Variants in NFRKB observed in about 807,000 individuals in gnomAD.
NFRKB encodes nuclear factor related to kappa-B-binding protein.
A neutral mutation model predicts 135.7 loss-of-function variants in NFRKB; 62 were observed. The observed-to-expected ratio is 0.46, with a 90% CI of 0.37 to 0.56. The LOEUF (loss-of-function observed/expected upper bound fraction) is 0.56. NFRKB is among the 20% of genes least tolerant of loss of function. The pLI is 0.00. For synonymous variants in NFRKB, 678 were observed against 635.6 expected (o/e 1.07, Z -1.00); for missense variants, 1,545 against 1,662.0 (o/e 0.93, Z 1.22).
At chr11:129,876,242 C>T (rs1948761232) in intron 17 of NFRKB, among the ~76,000 whole-genome samples, 1 of 152,190 alleles carries the variant, frequency 6.6e-6, no homozygotes, top group Admixed American at 6.5e-5. Context: ...CATATAACAT[C>T]ATAGTAACAA....
chr11:129,866,010 G>A (rs766127804), intron 24 of NFRKB, 27 bp from the exon 25 acceptor site: 25 of 1,567,510 alleles, frequency 1.6e-5, no homozygotes, highest in Non-Finnish European at 2.1e-5. Context: ...GTCAGGTTTT[G>A]TAAGACAGGA....
chr11:129,882,582 T>C lies in NFRKB; in HGVS notation c.951A>G (p.Glu317=). The C allele has an allele frequency of 6.2e-7, 1 of 1,614,116 alleles. No individual in the cohort carries two copies. The highest frequency in any genetic ancestry group is 8.5e-7 in the Non-Finnish European group (1 of 1,180,024). Residue 317 remains glutamate, a synonymous_variant, in exon 10 of 27, where the codon GAA becomes GAG. Coordinates refer to ENST00000682444, the MANE Select transcript of NFRKB (RefSeq NM_001143835.2). ...TCGTTTTTATTTTCTTCTTCTTCTT[T>C]TCCTCTTTTTCCTTAACCTTTTTTT... ...VLKKKVKEKE[E]KKKKKIKTIK...
Position 129,878,299 on chromosome 11 carries a change from T to C in NFRKB, c.1511+10A>G. The C allele has an allele frequency of 4.3e-6, 7 of 1,614,042 alleles. No homozygotes were observed. The highest frequency in any genetic ancestry group is 5.9e-6 in the Non-Finnish European group (7 of 1,179,954). ...CAGGACACCACCCACCACTACAGTA[T>C]TGTACTCACACCCGAGGGACAGGTG... On this transcript the variant is annotated intron_variant, in intron 15 of 26. Transcript: ENST00000682444.
chr11:129,880,479 T>C (rs1948977255), intron 13 of NFRKB, among the ~76,000 whole-genome samples: 1 of 152,116 alleles, frequency 6.6e-6, no homozygotes, highest in Non-Finnish European at 1.5e-5. Context: ...ATCTTCCCCA[T>C]GGAAAGGTTC....
At chr11:129,895,344 C>A (rs867609564) in intron 1 of NFRKB, among the ~76,000 whole-genome samples, 152 bp downstream of exon 1, 2 of 151,924 alleles carry the variant, frequency 1.3e-5, no homozygotes, top group Non-Finnish European at 2.9e-5. Flanking sequence ...TAACCCTAAC[C>A]CCCAGCCTCA....
Position 129,885,548 on chromosome 11 carries a change from G to GA in NFRKB, c.526dup (p.Ser176PhefsTer7). On this transcript the variant is annotated frameshift_variant, in exon 6 of 27. Coordinates refer to ENST00000682444, the MANE Select transcript of NFRKB (RefSeq NM_001143835.2). LOFTEE classifies it high-confidence loss of function. ...CCGCTCCTCAGGTGTGCGGGATGGT[G>GA]AAGGGCGTTTCTGCCGGAAGGGAAG... 1 of 1,614,034 alleles carries GA rather than the reference G, an allele frequency of 6.2e-7. No individual in the cohort carries two copies. The highest frequency in any genetic ancestry group is 8.5e-7 in the Non-Finnish European group (1 of 1,179,876).
chr11:129,873,273 T>C (rs1013523994), intron 22 of NFRKB, among the ~76,000 whole-genome samples, 177 bp from the exon 23 acceptor site: 2 of 152,228 alleles, frequency 1.3e-5, no homozygotes, highest in Non-Finnish European at 2.9e-5. Flanking sequence ...TTTGTGTATA[T>C]CTTAATTTTC....
intron 2 of NFRKB, chr11:129,893,132 T>G: frequency 7.7e-7 from 1 of 1,299,230 alleles, no homozygotes; most frequent in Non-Finnish European, 1.0e-6. Context: ...TGCCTTCATT[T>G]TACAGATGAG....
chr11:129,872,758 A>T (rs1335208881), intron 23 of NFRKB, 126 bp downstream of exon 23: 4 of 954,670 alleles, frequency 4.2e-6, no homozygotes, highest in African/African-American at 3.3e-5. Context: ...AAGTATCTAT[A>T]AGCTGAGAGT....
In NFRKB at chr11:129,879,486, CA is replaced by C. The variant is rs368972250; in HGVS notation, c.1385-944del. On this transcript the variant is annotated intron_variant, in intron 13 of 26. Coordinates refer to ENST00000682444, the MANE Select transcript of NFRKB (RefSeq NM_001143835.2). ...CGCCTCCACCGTTCCACTAGAGAATCACGCTCACTGAAAAATTCACAACTTC... is the reference window on the plus strand; with the variant it reads ...CGCCTCCACCGTTCCACTAGAGAATCCGCTCACTGAAAAATTCACAACTTC... Among the ~76,000 whole-genome samples the C allele has an allele frequency of 1.1e-4, 16 of 152,310 alleles. No individual in the cohort carries two copies. In the South Asian group the frequency reaches 3.3e-3, roughly 32 times the overall value.
chr11:129,894,684 C>T (rs1949697391), intron 1 of NFRKB, among the ~76,000 whole-genome samples: 2 of 152,192 alleles, frequency 1.3e-5, no homozygotes, highest in African/African-American at 4.8e-5. Context: ...CCTCATCACC[C>T]TTCAGCACAT....
At chr11:129,880,278 C>A (rs998610592) in intron 13 of NFRKB, among the ~76,000 whole-genome samples, 3 of 152,202 alleles carry the variant, frequency 2.0e-5, no homozygotes, top group African/African-American at 7.2e-5. Flanking sequence ...GCTACCTGCA[C>A]AAACAACACC....
intron 15 of NFRKB, among the ~76,000 whole-genome samples, chr11:129,878,080 C>A (rs1565406197): frequency 6.6e-6 from 1 of 152,186 alleles, no homozygotes; most frequent in Non-Finnish European, 1.5e-5. Flanking sequence ...CAAAGCAGGT[C>A]ATATGCCCCT....
intron 9 of NFRKB, among the ~76,000 whole-genome samples, chr11:129,882,904 C>A (rs1428745740): frequency 1.3e-5 from 2 of 152,146 alleles, no homozygotes; most frequent in African/African-American, 4.8e-5. Flanking sequence ...CCACCTCAGC[C>A]TCCCAAGTAT....
In NFRKB at chr11:129,877,374, T is replaced by G. The variant is rs745581462; in HGVS notation, c.1523A>C (p.Tyr508Ser). 1 of 1,614,186 alleles carries G rather than the reference T, an allele frequency of 6.2e-7. No individual in the cohort carries two copies. The highest frequency in any genetic ancestry group is 1.7e-5 in the Admixed American group (1 of 60,024). The change falls in exon 16 of 27, where the codon TAT becomes TCT. Residue 508 changes from tyrosine to serine, a missense_variant. Physicochemically the swap from Tyr to Ser is moderately radical, Grantham distance 144 (BLOSUM62 -2). Transcript: ENST00000682444. ...TTPVPRVRTD[Y>S]VVRPSTGEEK... Reference sequence around the variant, plus strand: ...CTCCCCCGTGCTGGGACGCACCACATAGTCAGTTCTTCTGGAATATAAAGA... The same window carrying G: ...CTCCCCCGTGCTGGGACGCACCACAGAGTCAGTTCTTCTGGAATATAAAGA...
chr11:129,876,983 G>A (rs1194992547), intron 16 of NFRKB, 88 bp from the exon 17 acceptor site: 1 of 1,260,534 alleles, frequency 7.9e-7, no homozygotes, highest in Non-Finnish European at 1.1e-6. Flanking sequence ...GATCCACATG[G>A]AACAATTAAA....
In NFRKB at chr11:129,873,925, G is replaced by A. The variant is rs2229651; in HGVS notation, c.2370C>T (p.Ala790=). ...SSQTAPSSQA[A]ARVVSHSGSA... ...AGCCAGAGTGGCTCACGACCCGGGCGGCAGCCTGAGAACTGGGTGCAGTCT... is the reference window on the plus strand; with the variant it reads ...AGCCAGAGTGGCTCACGACCCGGGCAGCAGCCTGAGAACTGGGTGCAGTCT... Residue 790 remains alanine, a synonymous_variant, in exon 22 of 27, where the codon GCC becomes GCT. Transcript: ENST00000682444. 33 of 1,613,470 alleles carry A rather than the reference G, an allele frequency of 2.0e-5. No individual in the cohort carries two copies. The African/African-American group carries it at 2.7e-4, about 13-fold the overall frequency.
At chr11:129,891,270 C>G (rs913428065) in intron 3 of NFRKB, among the ~76,000 whole-genome samples, 4 of 152,214 alleles carry the variant, frequency 2.6e-5, no homozygotes, top group South Asian at 2.1e-4. Flanking sequence ...ACGACACTAC[C>G]TCTCCCATGC....
At chr11:129,895,271 C>A (rs1246378390) in intron 1 of NFRKB, among the ~76,000 whole-genome samples, 1 of 152,200 alleles carries the variant, frequency 6.6e-6, no homozygotes, top group Non-Finnish European at 1.5e-5. Context: ...CCGGCTGGCC[C>A]AAGGCCCGGG....
Sources: allele counts gnomAD v4.1 joint callset (sites outside exome capture counted in the v4.1 genomes callset), GRCh38; gene constraint gnomAD v4.1.1; transcripts MANE v1.5; gene names NCBI Gene and HGNC (gene_info 2026-07-23, HGNC 2026-07-21).